FAM161A: variants seen among roughly 807,000 people sequenced by gnomAD.
FAM161A encodes the protein protein FAM161A.
FAM161A carries 57 observed loss-of-function variants against 70.9 expected under a neutral mutation model. The observed-to-expected ratio is 0.80, with a 90% CI of 0.65 to 1.00. The LOEUF (loss-of-function observed/expected upper bound fraction) is 1.00, where lower values mean the gene tolerates loss of function less well. FAM161A is among the 50% of genes least tolerant of loss of function. The pLI is 0.00. For missense variants in FAM161A, 880 were observed against 836.0 expected (o/e 1.05, Z -0.65); for synonymous variants, 299 against 295.7 (o/e 1.01, Z -0.12).
At chr2:61,840,681 C>G in intron 2 of FAM161A, 100 bp from the exon 3 acceptor site, 4 of 915,022 alleles carry the variant, frequency 4.4e-6, no homozygotes, top group Non-Finnish European at 6.8e-6. Context: ...GACAGAGTCT[C>G]ACTCTGTTGC....
At position 61,826,293 on chromosome 2, in the gene FAM161A, G is replaced by T. The variant is rs746537609; in HGVS notation, c.*162C>A. On this transcript the variant is annotated 3_prime_UTR_variant, in exon 7 of 7. Transcript: ENST00000404929. ...AAAGCCTTACTCTAACTGATCAAATGACCAATCAGCTGGATTCAGGCTTTT... is the reference window on the plus strand; with the variant it reads ...AAAGCCTTACTCTAACTGATCAAATTACCAATCAGCTGGATTCAGGCTTTT... The T allele has an allele frequency of 2.6e-6, 2 of 762,098 alleles. No homozygotes were observed. Among genetic ancestry groups the T allele is most frequent in the African/African-American group, 1.7e-5 (1 of 58,264 alleles). 47.2% of individuals were successfully genotyped at this position (762,098 alleles called of 1,614,324 possible).
the FAM161A span, among the ~76,000 whole-genome samples, chr2:61,817,787 T>C: frequency 6.6e-6 from 1 of 152,128 alleles, no homozygotes; most frequent in Non-Finnish European, 1.5e-5. Flanking sequence ...GGCAACATAG[T>C]GAGACCCTGT....
rs1395041822 is a variant in FAM161A, at chr2:61,832,217, C to A, written c.1851+3793G>T. ...CCGAGATCATGCCACTGCACTCCAG[C>A]CTGGGACAGAGTAAGACCCTGTCAC... On this transcript the variant is annotated intron_variant, in intron 5 of 6. Transcript: ENST00000404929. Among the ~76,000 whole-genome samples the A allele has an allele frequency of 3.4e-5, 5 of 148,942 alleles. No homozygotes were observed. In the Admixed American group the frequency reaches 3.4e-4, roughly 10 times the overall value.
In FAM161A at chr2:61,836,081, A is replaced by T. The variant is rs1472051024; in HGVS notation, c.1780T>A (p.Tyr594Asn). 1.9e-6 allele frequency: 3 copies of T among 1,610,266 alleles called. No homozygotes were observed. Among genetic ancestry groups the T allele is most frequent in the South Asian group, 2.2e-5 (2 of 90,188 alleles). Residue 594 changes from tyrosine to asparagine, a missense_variant, in exon 5 of 7, where the codon TAC (tyrosine) becomes AAC (asparagine). Transcript: ENST00000404929. ...TCTCTTTCTTCTAGTTCTCGTTGGT[A>T]TTCTCTCATCCTTTCCTTTTCGCTC... ...RKSEKERMRE[Y>N]QRELEEREEK...
At chr2:61,806,922 G>C in the FAM161A span, among the ~76,000 whole-genome samples, 3 of 151,956 alleles carry the variant, frequency 2.0e-5, no homozygotes, top group African/African-American at 4.8e-5. Flanking sequence ...TTGATCTCCT[G>C]ACCTCATGAT....
chr2:61,853,549 C>T (rs1328123584), intron 1 of FAM161A, among the ~76,000 whole-genome samples: 2 of 152,152 alleles, frequency 1.3e-5, no homozygotes, highest in African/African-American at 2.4e-5. Context: ...CTCTATATAT[C>T]CATTCCCGAG....
At position 61,839,417 on chromosome 2, in the gene FAM161A, T is replaced by C. The variant is rs528505050; in HGVS notation, c.1583+4A>G. 1.9e-6 allele frequency: 3 copies of C among 1,614,102 alleles called. No homozygotes were observed. The highest frequency in any genetic ancestry group is 1.6e-4 in the Middle Eastern group (1 of 6,062). On this transcript the variant is annotated splice_donor_region_variant and intron_variant, in intron 3 of 6. Transcript: ENST00000404929. ...TCAGTCAGTACTGCGTCCTACTTACTTACCTTACGGCTTGTTCTCGTCCTC... is the reference window on the plus strand; with the variant it reads ...TCAGTCAGTACTGCGTCCTACTTACCTACCTTACGGCTTGTTCTCGTCCTC...
At chr2:61,839,330 T>G in intron 3 of FAM161A, 91 bp downstream of exon 3, 1 of 1,123,976 alleles carries the variant, frequency 8.9e-7, no homozygotes. Context: ...AATTTCTAAG[T>G]ATTTTCAAAT....
At chr2:61,835,067 G>A (rs564454144) in intron 5 of FAM161A, among the ~76,000 whole-genome samples, 14 of 152,272 alleles carry the variant, frequency 9.2e-5, no homozygotes, top group South Asian at 6.2e-4. Context: ...AAAAGATTAC[G>A]TAACTTTGAG....
At chr2:61,843,595 T>C (rs1036443690) in intron 1 of FAM161A, among the ~76,000 whole-genome samples, 2 of 152,188 alleles carry the variant, frequency 1.3e-5, no homozygotes, top group Non-Finnish European at 2.9e-5. Flanking sequence ...CTGGAACAGA[T>C]GCAAAATGAA....
rs1274589742 is a variant in FAM161A, at chr2:61,824,992, T to C, written c.*1463A>G. Reference sequence around the variant, plus strand: ...AATATAATAATAGTAAAAAGTAATTTAACACGAACTGTAGGAAGAAAATTA... The same window carrying C: ...AATATAATAATAGTAAAAAGTAATTCAACACGAACTGTAGGAAGAAAATTA... On this transcript the variant is annotated 3_prime_UTR_variant, in exon 7 of 7. Transcript: ENST00000404929. The C allele has an allele frequency of 6.6e-6, 3 of 453,080 alleles. No individual in the cohort carries two copies. The highest frequency in any genetic ancestry group is 4.7e-5 in the South Asian group (3 of 63,862). The allele number at this position is 453,080 out of a possible 1,614,324, so 28.1% of individuals were successfully genotyped here. A position where few individuals can be genotyped will look rare whatever the true frequency, so the allele number is the denominator to read the frequency against.
At chr2:61,821,181 T>C (rs1672195473), downstream of FAM161A, among the ~76,000 whole-genome samples, 1 of 151,758 alleles carries the variant, frequency 6.6e-6, no homozygotes, top group South Asian at 2.1e-4. Flanking sequence ...GCCTACAGAG[T>C]AGCTGGGACT....
At chr2:61,816,455 T>TTTTG in the FAM161A span, among the ~76,000 whole-genome samples, 4 of 152,010 alleles carry the variant, frequency 2.6e-5, no homozygotes, top group South Asian at 2.1e-4. Flanking sequence ...ACTGAGGGTT[T>TTTTG]TTTGTTTGTT....
the FAM161A span, among the ~76,000 whole-genome samples, chr2:61,801,718 G>T: frequency 2.0e-5 from 3 of 151,812 alleles, no homozygotes; most frequent in African/African-American, 7.3e-5. Flanking sequence ...GTGCCACCAC[G>T]CCTGGCTAAT....
At position 61,839,968 on chromosome 2, in the gene FAM161A, GA is replaced by G; in HGVS notation, c.1035del (p.Lys347SerfsTer27). ...RAAREKQLRD[F>X]LKYKKKTNRF... ...CGATTTGTTTTCTTTTTATACTTAA[GA>G]AAGTCTCTCAGCTGCTTTTCCCGGG... On this transcript the variant is annotated frameshift_variant, in exon 3 of 7. Coordinates refer to ENST00000404929, the MANE Select transcript of FAM161A (RefSeq NM_001201543.2). LOFTEE classifies it high-confidence loss of function. 1 of 1,614,182 alleles carries G rather than the reference GA, an allele frequency of 6.2e-7. No homozygotes were observed. Among genetic ancestry groups the G allele is most frequent in the East Asian group, 2.2e-5 (1 of 44,878 alleles).
At chr2:61,802,981 G>T in the FAM161A span, among the ~76,000 whole-genome samples, 1 of 152,166 alleles carries the variant, frequency 6.6e-6, no homozygotes, top group Admixed American at 6.6e-5. Context: ...AGCCAAGAAA[G>T]TTCGAATTCT....
In FAM161A at chr2:61,840,454, C is replaced by A; in HGVS notation, c.550G>T (p.Glu184Ter). 6 of 1,613,998 alleles carry A rather than the reference C, an allele frequency of 3.7e-6. No homozygotes were observed. The highest frequency in any genetic ancestry group is 5.1e-6 in the Non-Finnish European group (6 of 1,179,980). ...ATCATTCTGTTTTTCCTAGGATACTCTTTTTCTAGGTTGGGTAACTCCTCT... is the reference window on the plus strand; with the variant it reads ...ATCATTCTGTTTTTCCTAGGATACTATTTTTCTAGGTTGGGTAACTCCTCT... ...SEEELPNLEK[E>*]YPRKNRMMTY... The change falls in exon 3 of 7, where the codon GAG becomes TAG. Residue 184 changes from glutamate (E) to a stop codon, truncating the protein, a stop_gained. Coordinates refer to ENST00000404929, the MANE Select transcript of FAM161A (RefSeq NM_001201543.2). LOFTEE classifies it high-confidence loss of function.
At chr2:61,823,322 G>A (rs1182702181), downstream of FAM161A, among the ~76,000 whole-genome samples, 2 of 81,364 alleles carry the variant, frequency 2.5e-5, no homozygotes, top group African/African-American at 9.9e-5. Context: ...GACAGAGTGA[G>A]ATTCCATCTC....
chr2:61,806,485 T>C, the FAM161A span, among the ~76,000 whole-genome samples: 38 of 152,246 alleles, frequency 2.5e-4, no homozygotes, highest in South Asian at 7.0e-3. Context: ...AAATTAATCA[T>C]GTTTTAAAAT....
Sources: allele counts gnomAD v4.1 joint callset (sites outside exome capture counted in the v4.1 genomes callset), GRCh38; gene constraint gnomAD v4.1.1; transcripts MANE v1.5; gene names NCBI Gene and HGNC (gene_info 2026-07-23, HGNC 2026-07-21).